The following GLTP variants were observed in gnomAD, a reference collection of about 807,000 sequenced individuals.
GLTP encodes glycolipid transfer protein.
GLTP carries 22 observed loss-of-function variants against 24.0 expected under a neutral mutation model. That is an observed-to-expected ratio of 0.92 (90% confidence interval 0.65 to 1.31). The LOEUF is 1.31. GLTP is among the 50% of genes most tolerant of loss of function. GLTP has a pLI of 0.00. For missense variants in GLTP, 224 were observed against 276.6 expected (o/e 0.81, Z 1.35); for synonymous variants, 92 against 115.9 (o/e 0.79, Z 1.33).
At chr12:109,863,411 G>C in intron 1 of GLTP, among the ~76,000 whole-genome samples, 1 of 152,172 alleles carries the variant, frequency 6.6e-6, no homozygotes, top group Non-Finnish European at 1.5e-5. Context: ...TCTGAAGAGG[G>C]CAGGGACAAG....
At chr12:109,876,663 A>AAG (rs141316976) in intron 1 of GLTP, among the ~76,000 whole-genome samples, 11,273 of 150,952 alleles carry the variant, frequency 0.075, 763 homozygotes, top group African/African-American at 0.17. Context: ...GAAGGAAAGA[A>AAG]AGAGGAAGGA....
intron 1 of GLTP, among the ~76,000 whole-genome samples, chr12:109,868,017 T>G: frequency 6.6e-6 from 1 of 152,248 alleles, no homozygotes; most frequent in Non-Finnish European, 1.5e-5. Context: ...GACCTCGTGA[T>G]CCACCCGCTT....
At chr12:109,879,757 A>G (rs1224606328) in intron 1 of GLTP, among the ~76,000 whole-genome samples, 2 of 152,090 alleles carry the variant, frequency 1.3e-5, no homozygotes, top group Non-Finnish European at 2.9e-5. Context: ...GAATGGGCGA[A>G]TTCTGAGGGA....
At chr12:109,872,127 C>T (rs995887331) in intron 1 of GLTP, among the ~76,000 whole-genome samples, 1 of 152,210 alleles carries the variant, frequency 6.6e-6, no homozygotes, top group Admixed American at 6.5e-5. Flanking sequence ...GTACTCTGGC[C>T]TTTGGACATT....
chr12:109,851,730 A>T lies in GLTP; in HGVS notation c.*825T>A, dbSNP rs1892725535. On this transcript the variant is annotated 3_prime_UTR_variant, in exon 5 of 5. Transcript: ENST00000318348. ...ATTCTCCTGCCTCAGCCTCCCAAGA[A>T]GATGGGATTACAGGCGTGCGCTACC... 1 of 151,866 alleles carries T rather than the reference A, an allele frequency of 6.6e-6. No individual in the cohort carries two copies. The highest frequency in any genetic ancestry group is 1.5e-5 in the Non-Finnish European group (1 of 67,986). 9.4% of individuals were successfully genotyped at this position (151,866 alleles called of 1,614,324 possible). A position where few individuals can be genotyped will look rare whatever the true frequency, so the allele number is the denominator to read the frequency against.
chr12:109,853,287 G>C (rs1218376208), intron 4 of GLTP, among the ~76,000 whole-genome samples: 1 of 152,056 alleles, frequency 6.6e-6, no homozygotes, highest in Non-Finnish European at 1.5e-5. Context: ...TTTGTCCTTA[G>C]GGGGGCGATA....
rs558598194 is a variant in GLTP at position 109,851,638 on chromosome 12, G to C, written c.*917C>G. The stretch of plus-strand genomic sequence containing the variant: ...TTTTTTGAGACAGAGTTTCGCTTTT[G>C]TTGCCCAGGCTGGAATGCAGTGGCG... On this transcript the variant is annotated 3_prime_UTR_variant, in exon 5 of 5. Transcript: ENST00000318348. The C allele has an allele frequency of 9.8e-4, 149 of 151,938 alleles. No individual in the cohort carries two copies. The highest frequency in any genetic ancestry group is 3.4e-3 in the African/African-American group (139 of 41,416). 9.4% of individuals were successfully genotyped at this position (151,938 alleles called of 1,614,324 possible).
Position 109,880,424 on chromosome 12 carries a change from A to T in GLTP, c.-50T>A, listed in dbSNP as rs1302073592. On this transcript the variant is annotated 5_prime_UTR_variant, in exon 1 of 5. Transcript: ENST00000318348. This position sits in a 1 kb window ranked among gnomAD's most constrained non-coding sequence, Gnocchi z 5.1. ...GCCCCAGCCGGCGCCGCGGGCGTCG[A>T]CACCGCCCCCCCGGCCGCCGCCGTC... The T allele has an allele frequency of 1.4e-6, 1 of 693,096 alleles. No individual in the cohort carries two copies. Among genetic ancestry groups the T allele is most frequent in the African/African-American group, 2.0e-5 (1 of 50,484 alleles). The allele number at this position is 693,096 out of a possible 1,614,324, so 42.9% of individuals were successfully genotyped here.
chr12:109,880,267 C>A lies in GLTP; in HGVS notation c.103+5G>T, dbSNP rs764202926. 6.4e-7 allele frequency: 1 copy of A among 1,571,730 alleles called. No individual in the cohort carries two copies. Among genetic ancestry groups the A allele is most frequent in the Non-Finnish European group, 8.7e-7 (1 of 1,149,148 alleles). ...GGGCCGCCTCCCCCCTCCATTCCGG[C>A]TCACCGAAGAAGGGCGGCAGGTGGG... is the stretch of plus-strand genomic sequence containing the variant. On this transcript the variant is annotated splice_donor_5th_base_variant and intron_variant, in intron 1 of 4. Coordinates refer to ENST00000318348, the MANE Select transcript of GLTP (RefSeq NM_016433.4). The surrounding 1 kb of genome is among the most constrained non-coding windows in gnomAD (Gnocchi z 5.1).
At chr12:109,854,706 GT>G (rs1373381345) in intron 4 of GLTP, among the ~76,000 whole-genome samples, 1 of 152,196 alleles carries the variant, frequency 6.6e-6, no homozygotes, top group Non-Finnish European at 1.5e-5. Flanking sequence ...TACTGACGTG[GT>G]GGTTTGAGGA....
Position 109,857,614 on chromosome 12 carries a change from G to A in GLTP, c.208C>T (p.Leu70=). 1 of 1,614,064 alleles carries A rather than the reference G, an allele frequency of 6.2e-7. No homozygotes were observed. Among genetic ancestry groups the A allele is most frequent in the African/African-American group, 1.3e-5 (1 of 75,044 alleles). ...YDTNPAKFRT[L]QNILEVEKEM... ...TTCTCCACCTCCAGGATGTTCTGCAGGGTCCGGAACTTGGCTGGGTTGGTG... is the reference window on the plus strand; with the variant it reads ...TTCTCCACCTCCAGGATGTTCTGCAAGGTCCGGAACTTGGCTGGGTTGGTG... The change falls in exon 3 of 5, where the codon CTG becomes TTG. Residue 70 remains leucine (L), a synonymous_variant. Transcript: ENST00000318348. The surrounding 1 kb of genome is among the most constrained non-coding windows in gnomAD (Gnocchi z 4.3).
rs144018077 is a variant in GLTP, at chr12:109,862,116, T to C, written c.104-3375A>G. 6.7e-3 allele frequency among the ~76,000 whole-genome samples: 1,024 copies of C among 152,308 alleles called. 15 individuals carry two copies. The highest frequency in any genetic ancestry group is 0.023 in the African/African-American group (953 of 41,552). ...AGGCAAATCTCCCAGCAAGGGGCCA[T>C]GCTGGAGCCTTCCCTAGGGTGGTCA... On this transcript the variant is annotated intron_variant, in intron 1 of 4. Transcript: ENST00000318348.
At chr12:109,860,606 G>A (rs1892859019) in intron 1 of GLTP, among the ~76,000 whole-genome samples, 1 of 152,132 alleles carries the variant, frequency 6.6e-6, no homozygotes, top group South Asian at 2.1e-4. Context: ...GCCTCCCAAA[G>A]TGCTGGGATT....
Position 109,855,553 on chromosome 12 carries a change from C to T in GLTP, c.447+66G>A. The T allele has an allele frequency of 7.0e-7, 1 of 1,421,256 alleles. No homozygotes were observed. Among genetic ancestry groups the T allele is most frequent in the Non-Finnish European group, 9.5e-7 (1 of 1,053,892 alleles). 88.0% of individuals were successfully genotyped at this position (1,421,256 alleles called of 1,614,324 possible). On this transcript the variant is annotated intron_variant, in intron 4 of 4. Coordinates refer to ENST00000318348, the MANE Select transcript of GLTP (RefSeq NM_016433.4). The surrounding 1 kb of genome is among the most constrained non-coding windows in gnomAD (Gnocchi z 4.1). ...CACAGGCCAGGAGGCCTCGGCTAAG[C>T]AGGGGCAGAGTGGGGAGCAGAATCT... is the stretch of plus-strand genomic sequence containing the variant.
chr12:109,863,145 G>A (rs923883770), intron 1 of GLTP, among the ~76,000 whole-genome samples: 1 of 152,212 alleles, frequency 6.6e-6, no homozygotes, highest in Admixed American at 6.5e-5. Context: ...GATAGGCACA[G>A]TAAAATATTA....
At chr12:109,862,043 C>T (rs1057332832) in intron 1 of GLTP, among the ~76,000 whole-genome samples, 1 of 152,200 alleles carries the variant, frequency 6.6e-6, no homozygotes, top group Non-Finnish European at 1.5e-5. Flanking sequence ...CATGCTAGGC[C>T]ACGAGCAGTC....
chr12:109,862,703 T>C (rs1447918110), intron 1 of GLTP, among the ~76,000 whole-genome samples: 1 of 152,004 alleles, frequency 6.6e-6, no homozygotes, highest in Non-Finnish European at 1.5e-5. Flanking sequence ...TGAGCTATGA[T>C]TGTGTCACTG....
chr12:109,863,660 C>T (rs1868431574), intron 1 of GLTP, among the ~76,000 whole-genome samples: 1 of 152,216 alleles, frequency 6.6e-6, no homozygotes. Flanking sequence ...GGACTTTGGG[C>T]CTCAGTTCCC....
intron 4 of GLTP, 52 bp from the exon 5 acceptor site, chr12:109,852,789 G>A (rs770193603): frequency 6.5e-6 from 8 of 1,239,364 alleles, no homozygotes; most frequent in Non-Finnish European, 7.0e-6. Flanking sequence ...GGGCTGAGGA[G>A]CCAGGCCAGC....
Sources: allele counts gnomAD v4.1 joint callset (sites outside exome capture counted in the v4.1 genomes callset), GRCh38; gene constraint gnomAD v4.1.1; non-coding constraint Gnocchi (gnomAD v3.1); transcripts MANE v1.5; gene names NCBI Gene and HGNC (gene_info 2026-07-23, HGNC 2026-07-21).